GSDMC: variants seen among roughly 807,000 people sequenced by gnomAD.
GSDMC encodes the protein gasdermin C.
A neutral mutation model predicts 58.0 loss-of-function variants in GSDMC; 59 were observed. The observed-to-expected ratio is 1.02, with a 90% CI of 0.82 to 1.26. The LOEUF (loss-of-function observed/expected upper bound fraction) is 1.26. GSDMC is among the 50% of genes most tolerant of loss of function. The pLI, the probability that GSDMC is intolerant of heterozygous loss-of-function variation, is 0.00. For synonymous variants in GSDMC, 241 were observed against 220.2 expected (o/e 1.09, Z -0.83); for missense variants, 659 against 598.5 (o/e 1.10, Z -1.06).
chr8:129,747,758 G>A (rs1027812956), downstream of GSDMC, among the ~76,000 whole-genome samples: 2 of 152,182 alleles, frequency 1.3e-5, no homozygotes, highest in African/African-American at 4.8e-5. Context: ...GTCCAGGTGA[G>A]AAGAGGAGGG....
chr8:129,786,100 T>G lies in GSDMC; in HGVS notation c.-94A>C, dbSNP rs1470183441. ...CTGTAATCCCAGCACTTTGGGAGGC[T>G]GAGGCCGGTGGATCACGAGGTCAGG... is the stretch of plus-strand genomic sequence containing the variant. On this transcript the variant is annotated 5_prime_UTR_variant, in exon 1 of 14. Coordinates refer to ENST00000276708, the MANE Select transcript of GSDMC (RefSeq NM_031415.3). 1 of 152,284 alleles carries G rather than the reference T, an allele frequency of 6.6e-6. No homozygotes were observed. Among genetic ancestry groups the G allele is most frequent in the African/African-American group, 2.4e-5 (1 of 41,402 alleles). 9.4% of individuals were successfully genotyped at this position (152,284 alleles called of 1,614,324 possible).
intron 6 of GSDMC, among the ~76,000 whole-genome samples, chr8:129,753,916 T>C (rs557364731): frequency 6.6e-6 from 1 of 152,062 alleles, no homozygotes; most frequent in South Asian, 2.1e-4. Flanking sequence ...CCTCTACCTG[T>C]GAAAAGGGGA....
intron 7 of GSDMC, 39 bp downstream of exon 7, chr8:129,752,659 T>A (rs2033257297): frequency 6.2e-7 from 1 of 1,610,162 alleles, no homozygotes; most frequent in Non-Finnish European, 8.5e-7. Flanking sequence ...AAGAAAAGCA[T>A]CAACATAGAA....
the GSDMC span, among the ~76,000 whole-genome samples, chr8:129,733,267 G>A: frequency 6.6e-6 from 1 of 152,246 alleles, no homozygotes; most frequent in African/African-American, 2.4e-5. Context: ...AGAAACTTCT[G>A]CAGACTTAAA....
chr8:129,760,693 T>C (rs1223336327), intron 5 of GSDMC, 104 bp from the exon 6 acceptor site: 21 of 670,282 alleles, frequency 3.1e-5, no homozygotes, highest in Admixed American at 2.9e-4. Context: ...GCCTGTTAAA[T>C]CTGACCACTG....
At chr8:129,736,289 T>C in the GSDMC span, among the ~76,000 whole-genome samples, 2 of 152,192 alleles carry the variant, frequency 1.3e-5, no homozygotes, top group Non-Finnish European at 2.9e-5. Flanking sequence ...ACTCATTTTA[T>C]GAGGCCAGCA....
chr8:129,766,305 T>G (rs1394195377), intron 3 of GSDMC, among the ~76,000 whole-genome samples: 1 of 152,150 alleles, frequency 6.6e-6, no homozygotes, highest in Non-Finnish European at 1.5e-5. Context: ...GGTGGGTGGA[T>G]TGGTAGGGCT....
the GSDMC span, among the ~76,000 whole-genome samples, chr8:129,734,605 C>T: frequency 7.9e-5 from 12 of 152,160 alleles, no homozygotes; most frequent in Middle Eastern, 3.4e-3. Flanking sequence ...GAAATAAAAC[C>T]CTTTACAGAC....
the GSDMC span, among the ~76,000 whole-genome samples, chr8:129,721,976 C>T: frequency 6.6e-6 from 1 of 152,020 alleles, no homozygotes; most frequent in South Asian, 2.1e-4. Context: ...AAAGACGGTC[C>T]CCAAAAGCAG....
chr8:129,748,756 T>C lies in GSDMC; in HGVS notation c.1288-16A>G, dbSNP rs2033044115. On this transcript the variant is annotated splice_polypyrimidine_tract_variant and intron_variant, in intron 13 of 13. Coordinates refer to ENST00000276708, the MANE Select transcript of GSDMC (RefSeq NM_031415.3). The stretch of plus-strand genomic sequence containing the variant: ...TGCTCCTTACCTAGAAGAAAGATGA[T>C]CAGGTTCTACAGACCAGCCTTTAAG... 1 of 1,506,360 alleles carries C rather than the reference T, an allele frequency of 6.6e-7. No homozygotes were observed. Among genetic ancestry groups the C allele is most frequent in the Non-Finnish European group, 8.9e-7 (1 of 1,129,798 alleles). The allele number at this position is 1,506,360 out of a possible 1,614,324, so 93.3% of individuals were successfully genotyped here. A position where few individuals can be genotyped will look rare whatever the true frequency, so the allele number is the denominator to read the frequency against.
the GSDMC span, among the ~76,000 whole-genome samples, chr8:129,718,579 T>G: frequency 4.0e-4 from 61 of 152,326 alleles, no homozygotes; most frequent in African/African-American, 1.4e-3. Context: ...TTTACACTGT[T>G]GGTGGGAGTA....
chr8:129,734,805 C>CATAAAAAT, the GSDMC span, among the ~76,000 whole-genome samples: 1 of 152,154 alleles, frequency 6.6e-6, no homozygotes, highest in Non-Finnish European at 1.5e-5. Context: ...CAAATTCACA[C>CATAAAAAT]ATAAAAATAT....
chr8:129,709,989 T>C, the GSDMC span, among the ~76,000 whole-genome samples: 1 of 152,254 alleles, frequency 6.6e-6, no homozygotes. Flanking sequence ...TATGTCTTTG[T>C]TGTTCATCTC....
chr8:129,718,712 G>A, the GSDMC span, among the ~76,000 whole-genome samples: 1 of 152,164 alleles, frequency 6.6e-6, no homozygotes, highest in Non-Finnish European at 1.5e-5. Context: ...AAATCATTCT[G>A]TGATAAAGAC....
chr8:129,730,412 A>T, the GSDMC span: 1 of 1,167,062 alleles, frequency 8.6e-7, no homozygotes, highest in Non-Finnish European at 1.2e-6. Context: ...CTGATTATGA[A>T]TCTTTAGTAG....
rs547952905 is a variant in GSDMC at position 129,771,306 on chromosome 8, T to C, written c.404+4796A>G. The stretch of plus-strand genomic sequence containing the variant: ...CAGAAATATAAGACTTGAAAAACAT[T>C]ATAAACCAAATGAACCTAACAGACA... On this transcript the variant is annotated intron_variant, in intron 3 of 13. Transcript: ENST00000276708. Among the ~76,000 whole-genome samples the C allele has an allele frequency of 2.0e-5, 3 of 151,860 alleles. No homozygotes were observed. The South Asian group carries it at 6.2e-4, about 32-fold the overall frequency.
intron 6 of GSDMC, 182 bp from the exon 7 acceptor site, chr8:129,753,002 G>A: frequency 8.8e-7 from 1 of 1,140,356 alleles, no homozygotes; most frequent in East Asian, 2.7e-5. Flanking sequence ...AAGTTTCTTG[G>A]CAAGCCTTGC....
chr8:129,771,972 AAAG>A (rs1319512085), intron 3 of GSDMC, among the ~76,000 whole-genome samples: 2 of 152,192 alleles, frequency 1.3e-5, no homozygotes, highest in East Asian at 1.9e-4. Flanking sequence ...AAGAACTAGA[AAAG>A]AAGAACAGGC....
intron 6 of GSDMC, among the ~76,000 whole-genome samples, chr8:129,758,378 A>T (rs960978703): frequency 6.6e-6 from 1 of 152,184 alleles, no homozygotes. Context: ...GCAATCAGAC[A>T]AGAGAAAGAA....
Sources: gnomAD v4.1 joint callset for allele counts (sites outside exome capture counted in the v4.1 genomes callset) on GRCh38, gnomAD v4.1.1 for gene constraint, MANE v1.5 for transcripts, NCBI Gene and HGNC (gene_info 2026-07-23, HGNC 2026-07-21) for gene names.